The following MUCL1 variants were observed in gnomAD, a reference collection of about 807,000 sequenced individuals.
MUCL1 encodes the protein mucin like 1.
MUCL1 carries 11 observed loss-of-function variants against 9.2 expected under a neutral mutation model. That is an observed-to-expected ratio of 1.19 (90% CI 0.75 to 1.97). The LOEUF (loss-of-function observed/expected upper bound fraction) is 1.97, where lower values mean the gene tolerates loss of function less well. Ranked by LOEUF, MUCL1 falls within the 30% of genes most tolerant of loss-of-function variation. The pLI is 0.00. For missense variants in MUCL1, 144 were observed against 110.9 expected, an observed-to-expected ratio of 1.30 and a Z score of -1.34; for synonymous variants, 48 against 40.5, an observed-to-expected ratio of 1.19 and a Z score of -0.71.
chr12:54,844,949 G>T (rs569656677), intron 1 of MUCL1, among the ~76,000 whole-genome samples: 11 of 152,196 alleles, frequency 7.2e-5, no homozygotes, highest in Non-Finnish European at 1.5e-4. Context: ...AAGAAGCTGG[G>T]TAAGGCACTG....
At chr12:54,842,786 T>G (rs1959218989) in intron 1 of MUCL1, among the ~76,000 whole-genome samples, 2 of 152,204 alleles carry the variant, frequency 1.3e-5, no homozygotes, top group Non-Finnish European at 2.9e-5. Flanking sequence ...CATCTTTTCT[T>G]TTTTTCTACT....
intron 1 of MUCL1, among the ~76,000 whole-genome samples, chr12:54,844,613 A>G (rs1959233056): frequency 6.6e-6 from 1 of 152,120 alleles, no homozygotes; most frequent in Non-Finnish European, 1.5e-5. Context: ...CATTAGGTAT[A>G]TTTTTATGTC....
At chr12:54,841,980 A>T (rs1378034653) in intron 1 of MUCL1, among the ~76,000 whole-genome samples, 1 of 152,146 alleles carries the variant, frequency 6.6e-6, no homozygotes, top group Admixed American at 6.5e-5. Context: ...CAATTTCTGT[A>T]ATTTTTCTTC....
At chr12:54,853,666 CT>C (rs1336776436), upstream of MUCL1, among the ~76,000 whole-genome samples, 2 of 152,118 alleles carry the variant, frequency 1.3e-5, no homozygotes, top group Non-Finnish European at 2.9e-5. Context: ...TTCCTGCCTT[CT>C]TTTTTTATTA....
At chr12:54,850,238 C>T (rs1008132993), upstream of MUCL1, among the ~76,000 whole-genome samples, 1 of 152,000 alleles carries the variant, frequency 6.6e-6, no homozygotes, top group Non-Finnish European at 1.5e-5. Flanking sequence ...TATACATGTG[C>T]CATGTTGGGG....
At chr12:54,841,092 T>A (rs1329363080) in intron 1 of MUCL1, among the ~76,000 whole-genome samples, 2 of 152,240 alleles carry the variant, frequency 1.3e-5, no homozygotes, top group African/African-American at 2.4e-5. Flanking sequence ...AATATTTGTC[T>A]TTCTGTGCCT....
chr12:54,850,267 G>A (rs760527586), upstream of MUCL1, among the ~76,000 whole-genome samples: 23 of 151,620 alleles, frequency 1.5e-4, no homozygotes, highest in Admixed American at 3.9e-4. Flanking sequence ...CCATTAACTC[G>A]TCATTTACAT....
Position 54,858,221 on chromosome 12 carries a change from G to A in MUCL1, c.252G>A (p.Pro84=), listed in dbSNP as rs138235110. The A allele has an allele frequency of 4.4e-5, 71 of 1,613,336 alleles. No individual in the cohort carries two copies. Among genetic ancestry groups the A allele is most frequent in the Middle Eastern group, 1.6e-4 (1 of 6,080 alleles). The change falls in exon 4 of 4, where the codon CCG becomes CCA. Residue 84 remains proline (P), a synonymous_variant. Coordinates refer to ENST00000308796, the MANE Select transcript of MUCL1 (RefSeq NM_058173.3). Reference sequence around the variant, plus strand: ...TACCCAAATGGGTTGGGGATCTCCCGAATGGTAGAGTGTGTCCCTGAGATG... The same window carrying A: ...TACCCAAATGGGTTGGGGATCTCCCAAATGGTAGAGTGTGTCCCTGAGATG... ...PVLPKWVGDL[P]NGRVCP
intron 1 of MUCL1, among the ~76,000 whole-genome samples, chr12:54,833,385 A>G (rs1959187919): frequency 6.6e-6 from 1 of 152,140 alleles, no homozygotes; most frequent in Non-Finnish European, 1.5e-5. Flanking sequence ...AGATCCACAT[A>G]TCTTTACAGT....
At chr12:54,855,247 G>A in intron 2 of MUCL1, 90 bp downstream of exon 2, 1 of 1,178,826 alleles carries the variant, frequency 8.5e-7, no homozygotes, top group Non-Finnish European at 1.3e-6. Flanking sequence ...CATGTGGATA[G>A]TCTTTGTTAT....
upstream of MUCL1, among the ~76,000 whole-genome samples, chr12:54,852,977 G>A (rs1490392509): frequency 6.6e-6 from 1 of 152,080 alleles, no homozygotes; most frequent in African/African-American, 2.4e-5. Context: ...CCCAGGACAA[G>A]GACACTGACT....
At chr12:54,844,824 C>T (rs1959234623) in intron 1 of MUCL1, among the ~76,000 whole-genome samples, 1 of 152,140 alleles carries the variant, frequency 6.6e-6, no homozygotes, top group Admixed American at 6.5e-5. Context: ...TTACAGCATC[C>T]CAATTTTGAT....
intron 3 of MUCL1, among the ~76,000 whole-genome samples, chr12:54,857,176 A>G (rs1002994917): frequency 6.6e-6 from 1 of 151,176 alleles, no homozygotes; most frequent in Non-Finnish European, 1.5e-5. Context: ...GACCAAAATA[A>G]GTGTCTCCAT....
At chr12:54,855,067 C>G in intron 1 of MUCL1, 49 bp from the exon 2 acceptor site, 1 of 1,551,170 alleles carries the variant, frequency 6.4e-7, no homozygotes, top group African/African-American at 1.4e-5. Context: ...CCTCCATCCT[C>G]CAAACTGGTA....
chr12:54,839,104 A>AT (rs1181492689), upstream of MUCL1, among the ~76,000 whole-genome samples: 2 of 151,842 alleles, frequency 1.3e-5, no homozygotes, highest in East Asian at 1.9e-4. Flanking sequence ...GTTTTCTTAA[A>AT]TTTTTTTCTC....
chr12:54,845,374 G>A (rs529935647), intron 1 of MUCL1, among the ~76,000 whole-genome samples: 1 of 152,282 alleles, frequency 6.6e-6, no homozygotes, highest in South Asian at 2.1e-4. Flanking sequence ...CCGAGCTGTG[G>A]TCTTGGGGCA....
intron 1 of MUCL1, among the ~76,000 whole-genome samples, chr12:54,844,385 G>A (rs1439554762): frequency 6.6e-6 from 1 of 152,024 alleles, no homozygotes; most frequent in Non-Finnish European, 1.5e-5. Context: ...ATGATTCCTA[G>A]GAGCTTCATG....
intron 1 of MUCL1, among the ~76,000 whole-genome samples, chr12:54,848,693 A>G (rs1959292125): frequency 6.6e-6 from 1 of 152,212 alleles, no homozygotes; most frequent in African/African-American, 2.4e-5. Context: ...TACTGCATTC[A>G]GGGAAATGCA....
intron 1 of MUCL1, among the ~76,000 whole-genome samples, chr12:54,833,169 T>C (rs1371766315): frequency 6.6e-6 from 1 of 152,154 alleles, no homozygotes; most frequent in African/African-American, 2.4e-5. Context: ...ATGTATGTTT[T>C]AATAAAGCAT....
Sources: gnomAD v4.1 joint callset for allele counts (sites outside exome capture counted in the v4.1 genomes callset) on GRCh38, gnomAD v4.1.1 for gene constraint, MANE v1.5 for transcripts, NCBI Gene and HGNC (gene_info 2026-07-23, HGNC 2026-07-21) for gene names.